The following PRKAR1B variants were observed in gnomAD, a reference collection of about 807,000 sequenced individuals.
PRKAR1B encodes the protein cAMP-dependent protein kinase type I-beta regulatory subunit.
In PRKAR1B, 22 loss-of-function variants were observed where a neutral mutation model predicts 46.5. The ratio of observed to expected loss-of-function variants is 0.47; its 90% CI spans 0.34 to 0.68. The LOEUF is 0.68. Ranked by LOEUF, PRKAR1B falls within the 30% of genes least tolerant of loss-of-function variation. The pLI is 0.01. For missense variants in PRKAR1B, 445 were observed against 535.6 expected, an observed-to-expected ratio of 0.83 and a Z score of 1.67; for synonymous variants, 259 against 217.7, an observed-to-expected ratio of 1.19 and a Z score of -1.67.
chr7:582,425 C>T (rs1001006675), intron 8 of PRKAR1B, among the ~76,000 whole-genome samples: 16 of 152,282 alleles, frequency 1.1e-4, no homozygotes, highest in African/African-American at 3.9e-4. Flanking sequence ...GCCCCGCCAG[C>T]CACTTTTTGG....
At chr7:629,457 G>A (rs879006348) in intron 4 of PRKAR1B, among the ~76,000 whole-genome samples, 5 of 99,878 alleles carry the variant, frequency 5.0e-5, no homozygotes, top group South Asian at 3.7e-4. Context: ...CTCCGAGGGC[G>A]CCACCACCCC....
intron 3 of PRKAR1B, 121 bp from the exon 4 acceptor site, chr7:677,441 T>C: frequency 1.2e-6 from 1 of 829,774 alleles, no homozygotes; most frequent in Non-Finnish European, 2.0e-6. Context: ...AATATGCAAT[T>C]TGAAGTTTAA....
intron 2 of PRKAR1B, among the ~76,000 whole-genome samples, chr7:706,077 G>A (rs1466635837): frequency 1.3e-5 from 2 of 152,062 alleles, no homozygotes; most frequent in African/African-American, 4.8e-5. Context: ...TATAACCCCA[G>A]CACTTTGGGA....
chr7:588,750 G>A (rs371472051), intron 7 of PRKAR1B, among the ~76,000 whole-genome samples: 414 of 7,144 alleles, frequency 0.058, 12 homozygotes, highest in East Asian at 0.17. Context: ...AGTGGTGATG[G>A]TGATGGTGAT....
At chr7:555,031 CTA>C (rs2128420861) in intron 9 of PRKAR1B, among the ~76,000 whole-genome samples, 1 of 152,342 alleles carries the variant, frequency 6.6e-6, no homozygotes, top group Admixed American at 6.5e-5. Flanking sequence ...CAGGCCACCC[CTA>C]CACCATCAGC....
At chr7:683,603 G>A (rs1002576886) in intron 2 of PRKAR1B, among the ~76,000 whole-genome samples, 19 of 152,194 alleles carry the variant, frequency 1.2e-4, no homozygotes, top group Non-Finnish European at 1.9e-4. Flanking sequence ...AATGCCAGCC[G>A]CCATCCATCC....
chr7:584,456 GC>G, intron 8 of PRKAR1B, 51 bp downstream of exon 8: 1 of 1,541,812 alleles, frequency 6.5e-7, no homozygotes, highest in Non-Finnish European at 9.0e-7. Context: ...GGGGTGGCCA[GC>G]AGGCGCCCAG....
intron 4 of PRKAR1B, among the ~76,000 whole-genome samples, chr7:635,815 C>T (rs1562578209): frequency 2.0e-5 from 3 of 152,000 alleles, no homozygotes; most frequent in Admixed American, 6.6e-5. Context: ...ATCACAGCTC[C>T]GACACTTACT....
chr7:728,485 G>A (rs146315752), upstream of PRKAR1B, among the ~76,000 whole-genome samples: 2 of 152,302 alleles, frequency 1.3e-5, no homozygotes, highest in East Asian at 1.9e-4. Context: ...TGGACTTGGG[G>A]AAATGCCGAG....
chr7:558,658 C>T (rs1225809219), intron 9 of PRKAR1B, among the ~76,000 whole-genome samples: 2 of 151,644 alleles, frequency 1.3e-5, no homozygotes, highest in African/African-American at 2.4e-5. Context: ...GAGGCTGAGG[C>T]AGGAGGATTG....
intron 7 of PRKAR1B, among the ~76,000 whole-genome samples, chr7:590,415 C>T (rs993516566): frequency 2.2e-4 from 34 of 152,226 alleles, no homozygotes; most frequent in Admixed American, 2.2e-3. Flanking sequence ...GACCTTGCCA[C>T]TCCAACGTGT....
intron 2 of PRKAR1B, among the ~76,000 whole-genome samples, chr7:705,390 A>C (rs1780273857): frequency 6.6e-6 from 1 of 152,056 alleles, no homozygotes; most frequent in African/African-American, 2.4e-5. Flanking sequence ...GTTTTTTAAA[A>C]CTGACAGTAT....
chr7:644,261 G>A lies in PRKAR1B; in HGVS notation c.440+32968C>T, dbSNP rs546340274. Among the ~76,000 whole-genome samples the A allele has an allele frequency of 2.0e-5, 3 of 152,262 alleles. No individual in the cohort carries two copies. The highest frequency in any genetic ancestry group is 7.2e-5 in the African/African-American group (3 of 41,542). ...TGACTCCCCTGTTCAAGGCATCGTT[G>A]AAATGTCCGTGATGCTCTTAAAATC... On this transcript the variant is annotated intron_variant, in intron 4 of 10. Transcript: ENST00000537384. This position sits in a 1 kb window ranked among gnomAD's most constrained non-coding sequence, Gnocchi z 4.9.
chr7:626,747 G>C (rs1185083634), intron 4 of PRKAR1B, among the ~76,000 whole-genome samples: 1 of 150,966 alleles, frequency 6.6e-6, no homozygotes, highest in African/African-American at 2.4e-5. Flanking sequence ...CAGGGTCTCT[G>C]TCACCTAAGC....
chr7:575,867 G>A (rs1262732525), intron 9 of PRKAR1B, among the ~76,000 whole-genome samples: 5 of 152,188 alleles, frequency 3.3e-5, no homozygotes, highest in African/African-American at 7.2e-5. Context: ...ATGAGCCACC[G>A]TGCCCAACAG....
intron 2 of PRKAR1B, among the ~76,000 whole-genome samples, chr7:687,007 C>T (rs956127540): frequency 1.3e-5 from 2 of 152,218 alleles, no homozygotes; most frequent in East Asian, 3.8e-4. Context: ...GCCAGCCTCC[C>T]TGGGACTGAA....
chr7:699,183 C>T (rs900476628), intron 2 of PRKAR1B, among the ~76,000 whole-genome samples: 1 of 152,266 alleles, frequency 6.6e-6, no homozygotes, highest in African/African-American at 2.4e-5. Context: ...TTGCGCCCAG[C>T]TCCATGACTC....
chr7:630,807 C>A (rs1378212943), intron 4 of PRKAR1B, among the ~76,000 whole-genome samples: 1 of 147,968 alleles, frequency 6.8e-6, no homozygotes, highest in African/African-American at 2.6e-5. Flanking sequence ...GGGGAGCACA[C>A]CCCCCCCACC....
chr7:577,887 G>A (rs1779950741), intron 9 of PRKAR1B, among the ~76,000 whole-genome samples: 1 of 152,246 alleles, frequency 6.6e-6, no homozygotes. Flanking sequence ...CCGCTAGGCA[G>A]TGCGCTGAGG....
Sources: gnomAD v4.1 joint callset for allele counts (sites outside exome capture counted in the v4.1 genomes callset) on GRCh38, gnomAD v4.1.1 for gene constraint, Gnocchi (gnomAD v3.1) non-coding constraint, MANE v1.5 for transcripts, NCBI Gene and HGNC (gene_info 2026-07-23, HGNC 2026-07-21) for gene names.